NTRK2: variants seen among roughly 807,000 people sequenced by gnomAD.
NTRK2 encodes the protein BDNF/NT-3 growth factors receptor.
NTRK2 carries 13 observed loss-of-function variants against 94.5 expected under a neutral mutation model. The observed-to-expected ratio is 0.14, with a 90% CI of 0.09 to 0.22. The LOEUF is 0.22. Ranked by LOEUF, NTRK2 falls within the 10% of genes least tolerant of loss-of-function variation. The pLI, the probability that NTRK2 is intolerant of heterozygous loss-of-function variation, is 1.00. For synonymous variants in NTRK2, 372 were observed against 407.4 expected (o/e 0.91, Z 1.05); for missense variants, 639 against 1,071.2 (o/e 0.60, Z 5.63).
At chr9:84,791,553 C>G (rs1209191245) in intron 12 of NTRK2, among the ~76,000 whole-genome samples, 1 of 152,080 alleles carries the variant, frequency 6.6e-6, no homozygotes, top group Non-Finnish European at 1.5e-5. Context: ...CACAGACACC[C>G]TGAAAAGTTC....
At chr9:84,958,768 C>G (rs898847220) in intron 17 of NTRK2, among the ~76,000 whole-genome samples, 1 of 152,154 alleles carries the variant, frequency 6.6e-6, no homozygotes, top group Non-Finnish European at 1.5e-5. Context: ...TTTTGCCTTT[C>G]TAAAATGTCA....
intron 12 of NTRK2, among the ~76,000 whole-genome samples, chr9:84,844,222 G>C (rs575075748): frequency 4.9e-4 from 75 of 152,266 alleles, no homozygotes; most frequent in Non-Finnish European, 5.7e-4. Context: ...GGAGGCAAGA[G>C]GCTAGAATAG....
chr9:84,932,376 C>A (rs1297375600), intron 14 of NTRK2, among the ~76,000 whole-genome samples: 3 of 152,146 alleles, frequency 2.0e-5, no homozygotes, highest in Admixed American at 2.0e-4. Flanking sequence ...GCTGAACAAG[C>A]TCTGGGAGAT....
chr9:84,987,517 C>T (rs188634567), intron 17 of NTRK2, among the ~76,000 whole-genome samples: 17 of 152,012 alleles, frequency 1.1e-4, no homozygotes, highest in African/African-American at 9.7e-5. Flanking sequence ...CCTAGCTTTA[C>T]GAAAAATTTA....
chr9:84,942,510 A>C (rs2078446247), intron 15 of NTRK2, among the ~76,000 whole-genome samples: 1 of 152,192 alleles, frequency 6.6e-6, no homozygotes, highest in South Asian at 2.1e-4. Context: ...TTGGCTCACT[A>C]ATAGCCTATG....
chr9:84,850,194 T>A (rs1190907245), intron 12 of NTRK2, among the ~76,000 whole-genome samples: 1 of 151,844 alleles, frequency 6.6e-6, no homozygotes, highest in African/African-American at 2.4e-5. Flanking sequence ...GCATGGGGGT[T>A]ACATGTCTGG....
chr9:84,834,942 G>C (rs2073785081), intron 12 of NTRK2, among the ~76,000 whole-genome samples: 1 of 152,120 alleles, frequency 6.6e-6, no homozygotes, highest in Admixed American at 6.5e-5. Flanking sequence ...CAAAACATGG[G>C]CAATATAGAC....
intron 13 of NTRK2, 142 bp downstream of exon 13, chr9:84,861,229 G>T: frequency 1.5e-6 from 1 of 686,404 alleles, no homozygotes; most frequent in Non-Finnish European, 2.5e-6. Flanking sequence ...GAAGAAGTAG[G>T]TCTAGAATTT....
chr9:84,812,300 C>T, intron 12 of NTRK2: 1 of 1,057,344 alleles, frequency 9.5e-7, no homozygotes, highest in Non-Finnish European at 1.1e-6. Context: ...GAAGACCTTT[C>T]ACAGAATCCT....
At chr9:84,905,904 T>C (rs1199190816) in intron 14 of NTRK2, among the ~76,000 whole-genome samples, 2 of 152,166 alleles carry the variant, frequency 1.3e-5, no homozygotes, top group Admixed American at 6.5e-5. Flanking sequence ...AAAGGAGAAA[T>C]ACAAATTGTT....
intron 14 of NTRK2, among the ~76,000 whole-genome samples, chr9:84,915,177 G>C (rs563589744): frequency 1.8e-4 from 27 of 152,266 alleles, no homozygotes; most frequent in African/African-American, 5.5e-4. Flanking sequence ...ACTGCCTGCT[G>C]TGCGGCCCAG....
chr9:84,905,318 C>A (rs2077040822), intron 14 of NTRK2, among the ~76,000 whole-genome samples: 1 of 150,430 alleles, frequency 6.6e-6, no homozygotes, highest in African/African-American at 2.4e-5. Context: ...CTGACAGAAA[C>A]CAGGCATGTG....
chr9:84,752,124 C>A (rs761773794), intron 12 of NTRK2, 39 bp downstream of exon 12: 5 of 1,504,076 alleles, frequency 3.3e-6, no homozygotes, highest in South Asian at 2.3e-5. Context: ...TTATGTGGAT[C>A]ATTTTTGGCT....
chr9:84,994,827 G>C (rs1829542970), intron 17 of NTRK2, among the ~76,000 whole-genome samples: 1 of 152,198 alleles, frequency 6.6e-6, no homozygotes, highest in African/African-American at 2.4e-5. Flanking sequence ...AACAAAATCT[G>C]CTGAACATTG....
At chr9:84,791,682 G>T (rs919967366) in intron 12 of NTRK2, among the ~76,000 whole-genome samples, 1 of 152,036 alleles carries the variant, frequency 6.6e-6, no homozygotes, top group South Asian at 2.1e-4. Flanking sequence ...TATTTATTTA[G>T]AAAAAAAGCA....
intron 14 of NTRK2, among the ~76,000 whole-genome samples, chr9:84,886,882 A>G (rs1404086157): frequency 6.6e-6 from 1 of 152,218 alleles, no homozygotes; most frequent in Non-Finnish European, 1.5e-5. Context: ...TGTGTCTTTG[A>G]GAATTGGAAT....
intron 14 of NTRK2, among the ~76,000 whole-genome samples, chr9:84,925,385 T>G (rs558513354): frequency 6.6e-6 from 1 of 152,062 alleles, no homozygotes; most frequent in Admixed American, 6.5e-5. Context: ...TCGGCCTCCA[T>G]TCTTCAGTCC....
intron 12 of NTRK2, among the ~76,000 whole-genome samples, chr9:84,798,842 C>G (rs1042775184): frequency 4.0e-5 from 6 of 149,390 alleles, no homozygotes; most frequent in African/African-American, 1.5e-4. Context: ...AAGCTGAGAC[C>G]TAGGTCTGCA....
chr9:84,902,080 C>T (rs1434288983), intron 14 of NTRK2, among the ~76,000 whole-genome samples: 1 of 151,766 alleles, frequency 6.6e-6, no homozygotes, highest in African/African-American at 2.4e-5. Context: ...CCTGTAATTC[C>T]AGCTGCTCAG....
Sources: allele counts gnomAD v4.1 joint callset (sites outside exome capture counted in the v4.1 genomes callset), GRCh38; gene constraint gnomAD v4.1.1; transcripts MANE v1.5; gene names NCBI Gene and HGNC (gene_info 2026-07-23, HGNC 2026-07-21).